Variants in ZNF365 observed in about 807,000 individuals in gnomAD.
ZNF365 encodes protein ZNF365.
ZNF365 carries 22 observed loss-of-function variants against 35.0 expected under a neutral mutation model. The observed-to-expected ratio is 0.63, with a 90% CI of 0.45 to 0.90. The LOEUF is 0.90. Among genes scored for constraint, ZNF365 ranks in the 40% least tolerant of loss-of-function variants. The pLI, the probability that ZNF365 is intolerant of heterozygous loss-of-function variation, is 0.00. For missense variants in ZNF365, 448 were observed against 500.3 expected, an observed-to-expected ratio of 0.90 and a Z score of 1.00; for synonymous variants, 188 against 196.2, an observed-to-expected ratio of 0.96 and a Z score of 0.35.
At chr10:62,457,925 C>T (rs1199591790) in intron 3 of ZNF365, among the ~76,000 whole-genome samples, 1 of 152,166 alleles carries the variant, frequency 6.6e-6, no homozygotes, top group Non-Finnish European at 1.5e-5. Context: ...CCTCAAAACA[C>T]CAAAAACAGA....
intron 3 of ZNF365, among the ~76,000 whole-genome samples, chr10:62,436,896 A>G (rs191702597): frequency 6.6e-6 from 1 of 152,018 alleles, no homozygotes; most frequent in East Asian, 1.9e-4. Context: ...AATGCACCGT[A>G]AACAACGAGT....
intron 3 of ZNF365, among the ~76,000 whole-genome samples, chr10:62,436,544 G>A (rs1840410516): frequency 1.3e-5 from 2 of 152,120 alleles, no homozygotes; most frequent in East Asian, 3.8e-4. Flanking sequence ...CAAGACCTTA[G>A]TTGTTAATTA....
At chr10:62,399,149 A>G (rs2132428553) in intron 4 of ZNF365, among the ~76,000 whole-genome samples, 1 of 152,346 alleles carries the variant, frequency 6.6e-6, no homozygotes, top group South Asian at 2.1e-4. Context: ...GCTTTACAAC[A>G]TCTATGCAGT....
intron 3 of ZNF365, among the ~76,000 whole-genome samples, chr10:62,449,369 C>G (rs950578967): frequency 6.6e-6 from 1 of 152,092 alleles, no homozygotes; most frequent in Non-Finnish European, 1.5e-5. Context: ...GTGTGGGTGT[C>G]CAAGTTCTGT....
chr10:62,407,028 T>C (rs577790286), downstream of ZNF365, among the ~76,000 whole-genome samples: 1 of 152,274 alleles, frequency 6.6e-6, no homozygotes, highest in African/African-American at 2.4e-5. Context: ...ACTACAACAG[T>C]ATGGAACCAG....
At chr10:62,389,516 C>T (rs917485630) in intron 3 of ZNF365, among the ~76,000 whole-genome samples, 4 of 151,754 alleles carry the variant, frequency 2.6e-5, no homozygotes, top group Non-Finnish European at 4.4e-5. Flanking sequence ...ACATTTATGC[C>T]GATCAAAAGA....
intron 2 of ZNF365, among the ~76,000 whole-genome samples, chr10:62,384,612 AG>A (rs1331765684): frequency 2.0e-5 from 3 of 152,252 alleles, no homozygotes; most frequent in African/African-American, 7.2e-5. Flanking sequence ...TGGTTGAAAC[AG>A]ATGAAGAAAA....
At chr10:62,442,205 A>C (rs1199782718) in intron 3 of ZNF365, among the ~76,000 whole-genome samples, 2 of 152,178 alleles carry the variant, frequency 1.3e-5, no homozygotes, top group Non-Finnish European at 2.9e-5. Context: ...CAGCAACTCA[A>C]AGCTTTCCAA....
At chr10:62,405,131 C>A (rs374890700), downstream of ZNF365, among the ~76,000 whole-genome samples, 37 of 152,216 alleles carry the variant, frequency 2.4e-4, no homozygotes, top group African/African-American at 8.7e-4. Flanking sequence ...TTTTTTGTTA[C>A]AACATGGCTC....
Position 62,388,490 on chromosome 10 carries a change from C to G in ZNF365, c.838C>G (p.Gln280Glu). ...RLQDFIENLL[Q>E]RVELAEKQLE... Reference sequence around the variant, plus strand: ...CCAGGACTTTATTGAGAATCTGTTACAGCGGGTAGAACTGGCGGAGAAGCA... The same window carrying G: ...CCAGGACTTTATTGAGAATCTGTTAGAGCGGGTAGAACTGGCGGAGAAGCA... The change falls in exon 3 of 5, where the codon CAG becomes GAG. Residue 280 changes from glutamine (Q) to glutamate (E), a missense_variant. Physicochemically the swap from Gln to Glu is conservative, Grantham distance 29. Transcript: ENST00000395254. 1 of 1,614,186 alleles carries G rather than the reference C, an allele frequency of 6.2e-7. No homozygotes were observed. Among genetic ancestry groups the G allele is most frequent in the Non-Finnish European group, 8.5e-7 (1 of 1,180,038 alleles).
Position 62,388,574 on chromosome 10 carries a change from G to A in ZNF365, c.922G>A (p.Val308Met). 6 of 1,613,646 alleles carry A rather than the reference G, an allele frequency of 3.7e-6. No individual in the cohort carries two copies. Among genetic ancestry groups the A allele is most frequent in the South Asian group, 1.1e-5 (1 of 91,070 alleles). ...SGFVRDLSGH[V>M]LTDISSNRKP... ...CTTTGTCCGTGATCTCAGCGGGCAC[G>A]TGGTGAGTCACCCCGGGCCAGCCAC... The change falls in exon 3 of 5, where the codon GTG becomes ATG. Residue 308 changes from valine (V) to methionine (M), a missense_variant and splice_region_variant. Val to Met is a conservative substitution (Grantham distance 21). Coordinates refer to ENST00000395254, the MANE Select transcript of ZNF365 (RefSeq NM_014951.3).
intron 3 of ZNF365, among the ~76,000 whole-genome samples, chr10:62,435,689 T>A (rs1840396014): frequency 6.6e-6 from 1 of 152,208 alleles, no homozygotes. Context: ...ATCCATTCTT[T>A]TAGCTACCAT....
chr10:62,419,274 C>T (rs994150160), intron 3 of ZNF365, among the ~76,000 whole-genome samples: 1 of 152,028 alleles, frequency 6.6e-6, no homozygotes, highest in African/African-American at 2.4e-5. Flanking sequence ...TGTTTGCAAA[C>T]TTAGACAAGT....
chr10:62,407,167 A>T (rs753833096), downstream of ZNF365, among the ~76,000 whole-genome samples: 1 of 152,172 alleles, frequency 6.6e-6, no homozygotes, highest in African/African-American at 2.4e-5. Flanking sequence ...TCAGAGAAGC[A>T]TGGAGGGGAG....
At chr10:62,480,057 C>A in exon 5 of ZNF365, 1 of 1,366,714 alleles carries the variant, frequency 7.3e-7, no homozygotes, top group South Asian at 1.5e-5. Flanking sequence ...ACTTTACTCA[C>A]CAGGAGTGGG....
At chr10:62,470,143 T>C (rs1406996771) in intron 4 of ZNF365, among the ~76,000 whole-genome samples, 2 of 152,178 alleles carry the variant, frequency 1.3e-5, no homozygotes, top group African/African-American at 4.8e-5. Context: ...GATAGAAGGA[T>C]TTGAGTAGCT....
chr10:62,452,980 T>A (rs762132022), intron 3 of ZNF365, among the ~76,000 whole-genome samples: 25 of 152,214 alleles, frequency 1.6e-4, no homozygotes, highest in Non-Finnish European at 3.4e-4. Flanking sequence ...CTTAGGGAGA[T>A]TTATTGGTAA....
intron 3 of ZNF365, among the ~76,000 whole-genome samples, chr10:62,453,180 C>T (rs918580960): frequency 8.5e-5 from 13 of 152,136 alleles, no homozygotes; most frequent in African/African-American, 2.7e-4. Flanking sequence ...AATTTTATTA[C>T]ATCCATAGAT....
rs868435126 is a variant in ZNF365 at position 62,400,261 on chromosome 10, C to T, written c.*472C>T. 11 of 987,276 alleles carry T rather than the reference C, an allele frequency of 1.1e-5. No homozygotes were observed. Among genetic ancestry groups the T allele is most frequent in the Non-Finnish European group, 1.3e-5 (11 of 830,918 alleles). The allele number at this position is 987,276 out of a possible 1,614,324, so 61.2% of individuals were successfully genotyped here. A position where few individuals can be genotyped will look rare whatever the true frequency, so the allele number is the denominator to read the frequency against. The stretch of plus-strand genomic sequence containing the variant: ...AATATTTGTGTTTGTGTATAACCTT[C>T]CCCTCAGCTAATTTGAAAGCCTCCA... On this transcript the variant is annotated 3_prime_UTR_variant, in exon 5 of 5. Transcript: ENST00000395254.
Sources: allele counts gnomAD v4.1 joint callset (sites outside exome capture counted in the v4.1 genomes callset), GRCh38; gene constraint gnomAD v4.1.1; transcripts MANE v1.5; gene names NCBI Gene and HGNC (gene_info 2026-07-23, HGNC 2026-07-21).